The following SECISBP2 variants were observed in gnomAD, a reference collection of about 807,000 sequenced individuals.
The protein encoded by SECISBP2 is SECIS binding protein 2.
Under a neutral mutation model 98.2 loss-of-function variants are expected in SECISBP2, and 96 were observed. The observed-to-expected ratio is 0.98, with a 90% CI of 0.83 to 1.16. SECISBP2 has a LOEUF of 1.16. Ranked by LOEUF, SECISBP2 falls within the 50% of genes most tolerant of loss-of-function variation. The pLI is 0.00. For missense variants in SECISBP2, 1,046 were observed against 1,022.9 expected (o/e 1.02, Z -0.31); for synonymous variants, 407 against 370.2 (o/e 1.10, Z -1.14).
chr9:89,326,222 G>T (rs899929022), intron 4 of SECISBP2, among the ~76,000 whole-genome samples, 184 bp downstream of exon 4: 7 of 152,186 alleles, frequency 4.6e-5, no homozygotes, highest in Admixed American at 6.5e-5. Flanking sequence ...TTTCTTCCCA[G>T]GGATGGGATT....
intron 2 of SECISBP2, chr9:89,322,892 G>A (rs1266250470): frequency 6.6e-6 from 1 of 152,066 alleles, no homozygotes; most frequent in African/African-American, 2.4e-5. Flanking sequence ...AGGTTTGCTG[G>A]GTAGGCAATA....
chr9:89,347,622 G>A (rs1830622895), intron 11 of SECISBP2, among the ~76,000 whole-genome samples: 1 of 152,080 alleles, frequency 6.6e-6, no homozygotes, highest in African/African-American at 2.4e-5. Flanking sequence ...GGGATTACAG[G>A]CGTGTGCCAT....
downstream of SECISBP2, among the ~76,000 whole-genome samples, chr9:89,359,949 T>G (rs1333621433): frequency 6.6e-6 from 1 of 152,244 alleles, no homozygotes; most frequent in Non-Finnish European, 1.5e-5. Flanking sequence ...TTGAAAGTGC[T>G]CTTAATTGAA....
intron 14 of SECISBP2, among the ~76,000 whole-genome samples, chr9:89,353,169 G>A (rs1310220145): frequency 6.6e-6 from 1 of 152,180 alleles, no homozygotes; most frequent in African/African-American, 2.4e-5. Context: ...CAGAGTTTCT[G>A]CTTCAAGTAG....
chr9:89,362,475 C>G, downstream of SECISBP2: 1 of 1,613,956 alleles, frequency 6.2e-7, no homozygotes, highest in Non-Finnish European at 8.5e-7. Context: ...ACGGATGGGC[C>G]TTTCCTGCTC....
chr9:89,357,043 A>G (rs963601092), intron 14 of SECISBP2: 1 of 348,672 alleles, frequency 2.9e-6, no homozygotes, highest in Non-Finnish European at 5.6e-6. Context: ...CCAGGGGTAC[A>G]ATGTGGGATA....
At chr9:89,347,982 T>G in intron 11 of SECISBP2, 97 bp from the exon 12 acceptor site, 3 of 1,244,956 alleles carry the variant, frequency 2.4e-6, no homozygotes, top group Non-Finnish European at 3.4e-6. Context: ...AAGAGGCACA[T>G]TGCCAAAAAG....
chr9:89,357,521 G>T lies in SECISBP2; in HGVS notation c.2224G>T (p.Val742Phe), dbSNP rs1471162819. ...TCTGGGGCGCAGTTTGAATAAGGCAGTTCCTGTCAGTGTGGTGGGGATCTT... is the reference window on the plus strand; with the variant it reads ...TCTGGGGCGCAGTTTGAATAAGGCATTTCCTGTCAGTGTGGTGGGGATCTT... ...KALGRSLNKA[V>F]PVSVVGIFSY... Residue 742 changes from valine (V) to phenylalanine (F), a missense_variant, in exon 15 of 17, where the codon GTT (valine) becomes TTT (phenylalanine). Transcript: ENST00000375807. The T allele has an allele frequency of 1.2e-6, 2 of 1,614,192 alleles. No individual in the cohort carries two copies.
chr9:89,346,986 C>G lies in SECISBP2; in HGVS notation c.1540C>G (p.Leu514Val), dbSNP rs142718429. The G allele has an allele frequency of 1.1e-5, 17 of 1,614,064 alleles. No homozygotes were observed. The highest frequency in any genetic ancestry group is 1.4e-5 in the Non-Finnish European group (17 of 1,180,028). Residue 514 changes from leucine to valine, a missense_variant, in exon 11 of 17, where the codon CTG becomes GTG. Leu to Val is a conservative substitution (Grantham distance 32). Transcript: ENST00000375807. ...PHNPLDSSAPLMKKGKQREIP... is the reference protein window; with the variant it reads ...PHNPLDSSAPVMKKGKQREIP... ...CAATCCCTTGGACTCCAGCGCCCCA[C>G]TGATGAAGAAAGGGAAGCAGAGGGA...
chr9:89,343,468 C>T (rs1829966229), intron 10 of SECISBP2, among the ~76,000 whole-genome samples: 1 of 151,934 alleles, frequency 6.6e-6, no homozygotes, highest in Non-Finnish European at 1.5e-5. Flanking sequence ...GCCTGGTAAC[C>T]AATAGTTATT....
chr9:89,364,451 A>G (rs575539463), downstream of SECISBP2: 26 of 214,240 alleles, frequency 1.2e-4, no homozygotes, highest in Admixed American at 5.1e-4. Flanking sequence ...TGTCTCTCCA[A>G]TTGAGACACT....
chr9:89,363,427 T>TA, downstream of SECISBP2: 1 of 1,612,402 alleles, frequency 6.2e-7, no homozygotes, highest in Non-Finnish European at 8.5e-7. Context: ...TGCGGCCACT[T>TA]ACCCACGCCT....
rs369680639 is a variant in SECISBP2 at position 89,358,076 on chromosome 9, G to C, written c.2346G>C (p.Gln782His). ...AGACCATGCTGGAGAATGTGCAGCAGGAGCTGGTGGGAGAGCCCAGGCCTC... is the reference window on the plus strand; with the variant it reads ...AGACCATGCTGGAGAATGTGCAGCACGAGCTGGTGGGAGAGCCCAGGCCTC... The part of the protein sequence containing the change: ...AYKTMLENVQ[Q>H]ELVGEPRPQA... The change falls in exon 16 of 17, where the codon CAG (glutamine) becomes CAC (histidine). Residue 782 changes from glutamine (Q) to histidine (H), a missense_variant. Transcript: ENST00000375807. 3.1e-6 allele frequency: 5 copies of C among 1,613,718 alleles called. No homozygotes were observed. In the African/African-American group the frequency reaches 6.7e-5, roughly 22 times the overall value.
At chr9:89,318,977 C>A (rs1252041666) in intron 1 of SECISBP2, 2 of 1,087,266 alleles carry the variant, frequency 1.8e-6, no homozygotes, top group Non-Finnish European at 2.2e-6. Context: ...TTCTGAACGT[C>A]ATTCTCCGCT....
chr9:89,329,994 G>A (rs1487642239), intron 5 of SECISBP2: 1 of 152,074 alleles, frequency 6.6e-6, no homozygotes, highest in South Asian at 2.1e-4. Flanking sequence ...TAAATGAAAG[G>A]CTGTATAGTA....
chr9:89,345,832 A>G (rs1232098342), intron 10 of SECISBP2, among the ~76,000 whole-genome samples: 1 of 152,230 alleles, frequency 6.6e-6, no homozygotes, highest in African/African-American at 2.4e-5. Flanking sequence ...AGCCAGTCAC[A>G]TAGTCACATG....
Position 89,350,680 on chromosome 9 carries a change from C to G in SECISBP2, c.1941C>G (p.Asp647Glu), listed in dbSNP as rs1303011661. 1.9e-6 allele frequency: 3 copies of G among 1,614,040 alleles called. No individual in the cohort carries two copies. The highest frequency in any genetic ancestry group is 3.3e-5 in the Admixed American group (2 of 59,996). The change falls in exon 14 of 17, where the codon GAC becomes GAG. Residue 647 changes from aspartate (D) to glutamate (E), a missense_variant. Physicochemically the swap from Asp to Glu is conservative, Grantham distance 45. Coordinates refer to ENST00000375807, the MANE Select transcript of SECISBP2 (RefSeq NM_024077.5). ...LSKEVDACVT[D>E]LLKELVRFQD... The stretch of plus-strand genomic sequence containing the variant: ...AAGAAGTGGATGCTTGTGTTACCGA[C>G]CTACTCAAAGAACTGGTCCGTTTCC...
chr9:89,341,851 TAAAAG>T (rs747235880), intron 10 of SECISBP2, among the ~76,000 whole-genome samples: 67 of 152,330 alleles, frequency 4.4e-4, no homozygotes, highest in Non-Finnish European at 8.7e-4. Flanking sequence ...ATAAAACTCT[TAAAAG>T]AAAACGGGTA....
intron 14 of SECISBP2, among the ~76,000 whole-genome samples, chr9:89,352,125 T>C (rs1831366071): frequency 6.6e-6 from 1 of 152,220 alleles, no homozygotes; most frequent in Admixed American, 6.5e-5. Context: ...TCCCCTAATG[T>C]ATAGTTTGGG....
Sources: gnomAD v4.1 joint callset for allele counts (sites outside exome capture counted in the v4.1 genomes callset) on GRCh38, gnomAD v4.1.1 for gene constraint, MANE v1.5 for transcripts, NCBI Gene and HGNC (gene_info 2026-07-23, HGNC 2026-07-21) for gene names.